Variants in CSMD2 observed in about 807,000 individuals in gnomAD.
The protein encoded by CSMD2 is CUB and sushi domain-containing protein 2.
A neutral mutation model predicts 398.5 loss-of-function variants in CSMD2; 130 were observed. The observed-to-expected ratio is 0.33, with a 90% CI of 0.28 to 0.38. CSMD2 has a LOEUF of 0.38. Ranked by LOEUF, CSMD2 falls within the 10% of genes least tolerant of loss-of-function variation. CSMD2 has a pLI of 1.00. For missense variants in CSMD2, 3,829 were observed against 4,764.9 expected (o/e 0.80, Z 5.78); for synonymous variants, 1,828 against 1,908.5 (o/e 0.96, Z 1.10).
chr1:33,645,815 G>A (rs912448517), intron 29 of CSMD2, among the ~76,000 whole-genome samples: 3 of 152,202 alleles, frequency 2.0e-5, no homozygotes, highest in Non-Finnish European at 4.4e-5. Flanking sequence ...CCAAGGTCAC[G>A]CAAATGTTAA....
intron 29 of CSMD2, 133 bp downstream of exon 29, chr1:33,646,515 G>A: frequency 1.1e-6 from 1 of 899,788 alleles, no homozygotes; most frequent in Non-Finnish European, 1.7e-6. Context: ...GTTTCTGCAG[G>A]CGGCAGCAGT....
intron 19 of CSMD2, among the ~76,000 whole-genome samples, chr1:33,717,305 T>C (rs1273383112): frequency 6.6e-6 from 1 of 151,740 alleles, no homozygotes; most frequent in African/African-American, 2.4e-5. Flanking sequence ...GAGGATGAAG[T>C]GGAGGGAGAG....
chr1:33,661,058 G>A (rs1452588970), intron 26 of CSMD2, among the ~76,000 whole-genome samples: 1 of 152,182 alleles, frequency 6.6e-6, no homozygotes, highest in Non-Finnish European at 1.5e-5. Context: ...CATGAGCTGG[G>A]CAATGCATGA....
At chr1:33,558,248 A>T (rs184911882) in intron 54 of CSMD2, among the ~76,000 whole-genome samples, 69 of 152,334 alleles carry the variant, frequency 4.5e-4, no homozygotes, top group Middle Eastern at 3.4e-3. Context: ...ATGAATGTCT[A>T]GTCTCCATAT....
At chr1:33,701,445 A>T (rs1286607066) in intron 22 of CSMD2, among the ~76,000 whole-genome samples, 1 of 152,258 alleles carries the variant, frequency 6.6e-6, no homozygotes, top group Non-Finnish European at 1.5e-5. Context: ...TAATTGTACA[A>T]ATAACAACAG....
rs976497802 is a variant in CSMD2 at position 33,968,293 on chromosome 1, T to A, written c.518-32339A>T. On this transcript the variant is annotated intron_variant, in intron 3 of 70. Transcript: ENST00000373381. ...AACCTCTTGCTGTCCATCTTTAGAG[T>A]TTTTTACAAATTCCAGGTGGCAGAT... Among the ~76,000 whole-genome samples, 9 of 152,172 alleles carry A rather than the reference T, an allele frequency of 5.9e-5. No individual in the cohort carries two copies. In the East Asian group the frequency reaches 1.7e-3, roughly 29 times the overall value.
At chr1:33,627,328 A>G (rs1362431847) in intron 32 of CSMD2, among the ~76,000 whole-genome samples, 2 of 152,162 alleles carry the variant, frequency 1.3e-5, no homozygotes, top group Non-Finnish European at 2.9e-5. Context: ...CAGATGGGCC[A>G]GGGGAGAGAC....
At chr1:33,584,389 A>T (rs1638930665) in intron 46 of CSMD2, among the ~76,000 whole-genome samples, 1 of 152,134 alleles carries the variant, frequency 6.6e-6, no homozygotes, top group Non-Finnish European at 1.5e-5. Context: ...AAAATATTAC[A>T]TGCTGGGTGC....
At chr1:33,746,225 T>C (rs758231299) in intron 13 of CSMD2, among the ~76,000 whole-genome samples, 10 of 152,186 alleles carry the variant, frequency 6.6e-5, no homozygotes, top group Non-Finnish European at 1.3e-4. Flanking sequence ...AGCCATCTTG[T>C]CTCCAGCTTT....
At chr1:33,961,405 G>A (rs553124459) in intron 3 of CSMD2, among the ~76,000 whole-genome samples, 2 of 152,214 alleles carry the variant, frequency 1.3e-5, no homozygotes, top group Non-Finnish European at 2.9e-5. Flanking sequence ...TGCATGCCCT[G>A]TCCTGCTTGG....
At chr1:33,621,834 G>T (rs74066664) in intron 37 of CSMD2, among the ~76,000 whole-genome samples, 415 of 152,352 alleles carry the variant, frequency 2.7e-3, no homozygotes, top group African/African-American at 8.2e-3. Context: ...CTAGGGGTTA[G>T]AAAGGCCAGG....
At position 33,550,359 on chromosome 1, in the gene CSMD2, G is replaced by GA. The variant is rs1657328014; in HGVS notation, c.8744-10dup. On this transcript the variant is annotated splice_polypyrimidine_tract_variant and intron_variant, in intron 55 of 70. Coordinates refer to ENST00000373381, the MANE Select transcript of CSMD2 (RefSeq NM_001281956.2). Reference sequence around the variant, plus strand: ...ATGGCCACAGGACACCACTGTGGGGGAAAAGCAAACATCTCAATGACTCTG... The same window carrying GA: ...ATGGCCACAGGACACCACTGTGGGGGAAAAAGCAAACATCTCAATGACTCTG... The GA allele has an allele frequency of 6.2e-7, 1 of 1,611,252 alleles. No individual in the cohort carries two copies. Among genetic ancestry groups the GA allele is most frequent in the Non-Finnish European group, 8.5e-7 (1 of 1,177,842 alleles).
At chr1:33,757,136 A>G (rs1463201814) in intron 13 of CSMD2, among the ~76,000 whole-genome samples, 1 of 151,414 alleles carries the variant, frequency 6.6e-6, no homozygotes, top group Non-Finnish European at 1.5e-5. Context: ...GAAGGGGAAC[A>G]TCACAATCTG....
intron 2 of CSMD2, among the ~76,000 whole-genome samples, chr1:34,052,238 C>A (rs1653266884): frequency 1.3e-5 from 2 of 151,230 alleles, no homozygotes; most frequent in Non-Finnish European, 2.9e-5. Context: ...CAGAGTCAAC[C>A]AACCATGCAT....
intron 64 of CSMD2, among the ~76,000 whole-genome samples, 164 bp downstream of exon 64, chr1:33,532,886 C>T (rs890397971): frequency 7.2e-5 from 11 of 152,368 alleles, no homozygotes; most frequent in African/African-American, 1.2e-4. Context: ...CTTTTTAGAC[C>T]GCTCTGCTTT....
At chr1:33,685,458 T>A in intron 25 of CSMD2, among the ~76,000 whole-genome samples, 1 of 152,262 alleles carries the variant, frequency 6.6e-6, no homozygotes, top group Admixed American at 6.5e-5. Context: ...ACTGAGTAAA[T>A]GCTCCAAGTT....
In CSMD2 at chr1:33,937,612, T is replaced by A. The variant is rs1233460145; in HGVS notation, c.518-1658A>T. On this transcript the variant is annotated intron_variant, in intron 3 of 70. Coordinates refer to ENST00000373381, the MANE Select transcript of CSMD2 (RefSeq NM_001281956.2). ...TCTGAAAAAAGGTATTCCCTCCCCC[T>A]TCCTCTCTTCCTCCTCTGAGAGGAA... Among the ~76,000 whole-genome samples the A allele has an allele frequency of 1.2e-4, 19 of 152,258 alleles. 1 individual carries two copies. The South Asian group carries it at 3.9e-3, about 32-fold the overall frequency.
At chr1:33,540,781 C>T (rs1656254691) in intron 59 of CSMD2, 83 bp from the exon 60 acceptor site, 2 of 1,481,622 alleles carry the variant, frequency 1.3e-6, no homozygotes, top group African/African-American at 2.8e-5. Context: ...TCACCGACTA[C>T]CCTGCACCCA....
At chr1:33,688,898 T>C (rs1198342919) in intron 25 of CSMD2, among the ~76,000 whole-genome samples, 1 of 152,076 alleles carries the variant, frequency 6.6e-6, no homozygotes, top group Non-Finnish European at 1.5e-5. Context: ...AATAACTAAA[T>C]AAGGACTCAA....
Sources: gnomAD v4.1 joint callset for allele counts (sites outside exome capture counted in the v4.1 genomes callset) on GRCh38, gnomAD v4.1.1 for gene constraint, MANE v1.5 for transcripts, NCBI Gene and HGNC (gene_info 2026-07-23, HGNC 2026-07-21) for gene names.